The following LARP1B variants were observed in gnomAD, a reference collection of about 807,000 sequenced individuals.
The protein encoded by LARP1B is La ribonucleoprotein 1B.
In LARP1B, 76 loss-of-function variants were observed where a neutral mutation model predicts 114.2. That is an observed-to-expected ratio of 0.67 (90% CI 0.55 to 0.81). LARP1B has a LOEUF of 0.81. LARP1B is among the 30% of genes least tolerant of loss of function. The pLI is 0.00. For synonymous variants in LARP1B, 345 were observed against 348.0 expected, an observed-to-expected ratio of 0.99 and a Z score of 0.10; for missense variants, 1,014 against 1,075.8, an observed-to-expected ratio of 0.94 and a Z score of 0.80.
chr4:128,199,684 G>T, intron 16 of LARP1B, 85 bp downstream of exon 16: 1 of 606,062 alleles, frequency 1.7e-6, no homozygotes, highest in South Asian at 8.6e-5. Context: ...TTTAATATCA[G>T]GTTAAGATAT....
intron 5 of LARP1B, among the ~76,000 whole-genome samples, chr4:128,087,216 C>T (rs761420749): frequency 3.3e-5 from 5 of 152,094 alleles, no homozygotes; most frequent in African/African-American, 7.2e-5. Context: ...CCACCGCATC[C>T]GGCCCAGATA....
intron 15 of LARP1B, among the ~76,000 whole-genome samples, chr4:128,193,383 CACAT>C (rs1752912682): frequency 6.6e-6 from 1 of 152,140 alleles, no homozygotes; most frequent in Non-Finnish European, 1.5e-5. Context: ...CACACACAAA[CACAT>C]ACACACACCT....
chr4:128,090,978 A>G, intron 5 of LARP1B, 23 bp from the exon 6 acceptor site: 1 of 1,531,998 alleles, frequency 6.5e-7, no homozygotes, highest in Non-Finnish European at 8.9e-7. Context: ...CGAAGTATAT[A>G]AAAATATTTT....
chr4:128,087,501 G>A (rs1204235724), intron 5 of LARP1B, among the ~76,000 whole-genome samples: 1 of 152,122 alleles, frequency 6.6e-6, no homozygotes, highest in Non-Finnish European at 1.5e-5. Flanking sequence ...GAATTGTTCA[G>A]TGAATACCTG....
intron 1 of LARP1B, among the ~76,000 whole-genome samples, chr4:128,063,243 A>G (rs1163990955): frequency 6.6e-6 from 1 of 150,852 alleles, no homozygotes; most frequent in African/African-American, 2.4e-5. Flanking sequence ...GCTGGCCAAT[A>G]TGGCGAAACC....
At chr4:128,137,510 T>G (rs1725891787) in intron 11 of LARP1B, among the ~76,000 whole-genome samples, 1 of 152,124 alleles carries the variant, frequency 6.6e-6, no homozygotes, top group African/African-American at 2.4e-5. Flanking sequence ...TATATTCCAT[T>G]GACTATATGG....
At chr4:128,092,729 A>G (rs1214848613) in intron 7 of LARP1B, 1 of 984,110 alleles carries the variant, frequency 1.0e-6, no homozygotes, top group Non-Finnish European at 1.2e-6. Context: ...CAATTTGCTT[A>G]CAGTGTGGAG....
chr4:128,159,917 T>C (rs1737646937), intron 11 of LARP1B, among the ~76,000 whole-genome samples: 1 of 152,222 alleles, frequency 6.6e-6, no homozygotes, highest in Admixed American at 6.5e-5. Context: ...TAAAAACGTA[T>C]TTATAGGAAT....
intron 12 of LARP1B, among the ~76,000 whole-genome samples, chr4:128,172,822 TTTG>T (rs1439360940): frequency 5.9e-5 from 9 of 152,132 alleles, no homozygotes; most frequent in African/African-American, 9.7e-5. Flanking sequence ...AATGCTCTGT[TTTG>T]TTGTTGTTGT....
At chr4:128,123,310 T>C (rs1393514308) in intron 11 of LARP1B, 1 of 985,462 alleles carries the variant, frequency 1.0e-6, no homozygotes, top group Non-Finnish European at 1.2e-6. Flanking sequence ...AGTGTGTTTT[T>C]ATAATGCTTC....
chr4:128,165,688 A>G (rs1740502787), intron 12 of LARP1B, among the ~76,000 whole-genome samples: 1 of 152,128 alleles, frequency 6.6e-6, no homozygotes, highest in South Asian at 2.1e-4. Context: ...TCCACATCCC[A>G]AATCAGCTAC....
intron 17 of LARP1B, among the ~76,000 whole-genome samples, chr4:128,205,980 T>A (rs1757470431): frequency 6.6e-6 from 1 of 152,150 alleles, no homozygotes; most frequent in South Asian, 2.1e-4. Context: ...AGATTACTAA[T>A]TACCAGTTCA....
intron 11 of LARP1B, among the ~76,000 whole-genome samples, chr4:128,143,748 G>A (rs1729076871): frequency 6.6e-6 from 1 of 151,192 alleles, no homozygotes; most frequent in Admixed American, 6.6e-5. Context: ...ACTTGGTATA[G>A]GTATTGGAGA....
intron 12 of LARP1B, among the ~76,000 whole-genome samples, chr4:128,171,041 CA>C (rs1362433744): frequency 6.6e-6 from 1 of 151,232 alleles, no homozygotes; most frequent in African/African-American, 2.4e-5. Context: ...ACATACTTTT[CA>C]GTTTATTTGG....
intron 3 of LARP1B, 38 bp downstream of exon 3, chr4:128,075,031 G>GA (rs1242711234): frequency 7.7e-7 from 1 of 1,295,786 alleles, no homozygotes; most frequent in African/African-American, 1.5e-5. Context: ...TTAAAGAAAG[G>GA]AAAATGTATT....
intron 12 of LARP1B, among the ~76,000 whole-genome samples, chr4:128,169,194 A>G (rs1742453044): frequency 6.6e-6 from 1 of 151,426 alleles, no homozygotes; most frequent in East Asian, 1.9e-4. Context: ...TAATTTTTTT[A>G]AGTTTTATTT....
intron 7 of LARP1B, chr4:128,092,632 A>G (rs79169063): frequency 0.01 from 2,852 of 276,082 alleles, 71 homozygotes; most frequent in African/African-American, 0.06. Context: ...CTGTTTTTCC[A>G]AAATAAAATA....
At chr4:128,073,601 T>TG (rs1766555329) in intron 1 of LARP1B, among the ~76,000 whole-genome samples, 1 of 97,380 alleles carries the variant, frequency 1.0e-5, no homozygotes, top group Non-Finnish European at 2.1e-5. Context: ...TTTTTTTTTT[T>TG]TTTTTTTTGG....
intron 15 of LARP1B, among the ~76,000 whole-genome samples, chr4:128,181,323 G>C (rs769287614): frequency 9.9e-5 from 15 of 151,688 alleles, no homozygotes; most frequent in Admixed American, 6.6e-5. Context: ...GATTACAGGT[G>C]CCTGGCACCA....
Sources: gnomAD v4.1 joint callset for allele counts (sites outside exome capture counted in the v4.1 genomes callset) on GRCh38, gnomAD v4.1.1 for gene constraint, MANE v1.5 for transcripts, NCBI Gene and HGNC (gene_info 2026-07-23, HGNC 2026-07-21) for gene names.